Variants in TEX36 observed in about 807,000 individuals in gnomAD.
The protein encoded by TEX36 is testis expressed 36, also known as testis-expressed protein 36.
Under a neutral mutation model 13.6 loss-of-function variants are expected in TEX36, and 12 were observed. That is an observed-to-expected ratio of 0.88 (90% CI 0.56 to 1.43). The LOEUF is 1.43. Among genes scored for constraint, TEX36 ranks in the 40% most tolerant of loss-of-function variants. The probability of loss-of-function intolerance (pLI) is 0.00; values close to 1 mark genes in which losing one functional copy is unlikely to be tolerated. For missense variants in TEX36, 224 were observed against 228.3 expected (o/e 0.98, Z 0.12); for synonymous variants, 93 against 83.0 (o/e 1.12, Z -0.65).
downstream of TEX36, among the ~76,000 whole-genome samples, chr10:125,654,699 T>A (rs1846913133): frequency 6.6e-6 from 1 of 152,176 alleles, no homozygotes; most frequent in African/African-American, 2.4e-5. Flanking sequence ...ACTTCACTAA[T>A]AAATAGAGAA....
At chr10:125,647,683 C>T (rs1846791994) in intron 3 of TEX36, among the ~76,000 whole-genome samples, 1 of 151,310 alleles carries the variant, frequency 6.6e-6, no homozygotes. Flanking sequence ...ACAGTGGGTG[C>T]AGCCCACAGA....
At chr10:125,593,479 G>T (rs1301322143) in intron 3 of TEX36, among the ~76,000 whole-genome samples, 1 of 152,112 alleles carries the variant, frequency 6.6e-6, no homozygotes, top group Non-Finnish European at 1.5e-5. Context: ...TCCCATTAGG[G>T]TAATAAAGTC....
chr10:125,682,867 T>A, intron 1 of TEX36, 72 bp downstream of exon 1: 1 of 1,495,424 alleles, frequency 6.7e-7, no homozygotes, highest in Non-Finnish European at 9.1e-7. Flanking sequence ...AGAAGCAGGA[T>A]TGGAACTCCT....
At chr10:125,671,262 T>A (rs7908873) in intron 1 of TEX36, among the ~76,000 whole-genome samples, 138 of 152,374 alleles carry the variant, frequency 9.1e-4, no homozygotes, top group African/African-American at 3.2e-3. Context: ...TGACATTCAC[T>A]GTGGGTTTGT....
intron 3 of TEX36, among the ~76,000 whole-genome samples, chr10:125,581,913 C>T (rs1774294332): frequency 6.6e-6 from 1 of 152,200 alleles, no homozygotes; most frequent in African/African-American, 2.4e-5. Flanking sequence ...CCAAAGAAGC[C>T]TGCATTGAGC....
chr10:125,598,302 T>C lies in TEX36; in HGVS notation c.265-21428A>G, dbSNP rs532318695. On this transcript the variant is annotated intron_variant, in intron 3 of 3. Transcript: ENST00000532135. ...GTTATGTGTAAGCTCACCACAACGCTTCAGGGTAGCAACAGTGGAGGAAAC... is the reference window on the plus strand; with the variant it reads ...GTTATGTGTAAGCTCACCACAACGCCTCAGGGTAGCAACAGTGGAGGAAAC... 1.8e-4 allele frequency among the ~76,000 whole-genome samples: 27 copies of C among 152,350 alleles called. No homozygotes were observed. The South Asian group carries it at 5.0e-3, about 28-fold the overall frequency.
At chr10:125,628,532 G>A (rs1846514465) in intron 3 of TEX36, among the ~76,000 whole-genome samples, 1 of 152,174 alleles carries the variant, frequency 6.6e-6, no homozygotes, top group African/African-American at 2.4e-5. Context: ...ACCAGGAAAG[G>A]CTTCCTTTGT....
At chr10:125,649,041 G>C (rs1194214875) in intron 3 of TEX36, among the ~76,000 whole-genome samples, 3 of 152,216 alleles carry the variant, frequency 2.0e-5, no homozygotes, top group African/African-American at 4.8e-5. Context: ...TGGTGTACCT[G>C]AAAGAGACAG....
At chr10:125,592,219 G>A (rs575018867) in intron 3 of TEX36, among the ~76,000 whole-genome samples, 2 of 152,142 alleles carry the variant, frequency 1.3e-5, no homozygotes, top group South Asian at 2.1e-4. Context: ...GAAAACCTTC[G>A]GTAAAGACAG....
chr10:125,613,552 T>C (rs542798076), intron 3 of TEX36, among the ~76,000 whole-genome samples: 5 of 151,052 alleles, frequency 3.3e-5, no homozygotes, highest in Admixed American at 6.6e-5. Flanking sequence ...GTTCTTGCGA[T>C]AGTTTACTGA....
chr10:125,605,416 T>C (rs1208835196), intron 3 of TEX36, among the ~76,000 whole-genome samples: 3 of 132,122 alleles, frequency 2.3e-5, no homozygotes, highest in Non-Finnish European at 4.4e-5. Flanking sequence ...CGCAGCGTAG[T>C]GCAGCAATGT....
intron 3 of TEX36, among the ~76,000 whole-genome samples, chr10:125,631,419 A>G (rs186881163): frequency 6.6e-6 from 1 of 152,128 alleles, no homozygotes; most frequent in African/African-American, 2.4e-5. Context: ...GACGGAGGAG[A>G]GCCCTGTCCT....
chr10:125,596,931 C>T (rs1846086709), intron 3 of TEX36, among the ~76,000 whole-genome samples: 3 of 152,174 alleles, frequency 2.0e-5, no homozygotes, highest in South Asian at 2.1e-4. Context: ...TGTTAACTCG[C>T]CTCATCTGTA....
intron 1 of TEX36, among the ~76,000 whole-genome samples, chr10:125,678,794 A>G (rs1847349333): frequency 6.6e-6 from 1 of 151,824 alleles, no homozygotes; most frequent in Admixed American, 6.6e-5. Flanking sequence ...AAGGTGGTAG[A>G]TGGGTTGGGC....
intron 3 of TEX36, among the ~76,000 whole-genome samples, chr10:125,597,785 A>C (rs528330365): frequency 2.6e-5 from 4 of 152,310 alleles, no homozygotes; most frequent in African/African-American, 9.6e-5. Flanking sequence ...ATCTAGGTCC[A>C]AATGACAATG....
At chr10:125,614,043 A>G (rs1442784999) in intron 3 of TEX36, among the ~76,000 whole-genome samples, 1 of 152,064 alleles carries the variant, frequency 6.6e-6, no homozygotes, top group Admixed American at 6.6e-5. Flanking sequence ...GATGGTGAGC[A>G]TTTTTTCACG....
intron 3 of TEX36, among the ~76,000 whole-genome samples, chr10:125,588,629 G>A (rs1845986926): frequency 2.2e-5 from 3 of 138,500 alleles, no homozygotes; most frequent in African/African-American, 2.8e-5. Flanking sequence ...TTGTTTGTTT[G>A]TTTGAGATGG....
intron 3 of TEX36, among the ~76,000 whole-genome samples, chr10:125,658,621 G>A (rs932478522): frequency 1.3e-5 from 2 of 151,882 alleles, no homozygotes; most frequent in South Asian, 2.1e-4. Flanking sequence ...TCACACACAA[G>A]ACAACAAAGA....
intron 1 of TEX36, among the ~76,000 whole-genome samples, chr10:125,662,662 A>G (rs1458880488): frequency 6.6e-6 from 1 of 152,140 alleles, no homozygotes; most frequent in Admixed American, 6.5e-5. Context: ...GGAGCTCTGG[A>G]CATTGGGTGG....
Sources: allele counts gnomAD v4.1 joint callset (sites outside exome capture counted in the v4.1 genomes callset), GRCh38; gene constraint gnomAD v4.1.1; transcripts MANE v1.5; gene names NCBI Gene and HGNC (gene_info 2026-07-23, HGNC 2026-07-21).